Variants in ANK2 observed in about 807,000 individuals in gnomAD.
ANK2 encodes the protein ankyrin 2.
ANK2 carries 83 observed loss-of-function variants against 360.5 expected under a neutral mutation model. That is an observed-to-expected ratio of 0.23 (90% CI 0.19 to 0.28). ANK2 has a LOEUF of 0.28. Among genes scored for constraint, ANK2 ranks in the 10% least tolerant of loss-of-function variants. ANK2 has a pLI of 1.00. For missense variants in ANK2, 4,201 were observed against 4,795.7 expected (o/e 0.88, Z 3.66); for synonymous variants, 1,740 against 1,759.5 (o/e 0.99, Z 0.28).
intron 4 of ANK2, among the ~76,000 whole-genome samples, chr4:113,231,195 G>A (rs1563042218): frequency 6.6e-6 from 1 of 151,988 alleles, no homozygotes; most frequent in Non-Finnish European, 1.5e-5. Context: ...GGGATTACAG[G>A]CATGTGCCAC....
At chr4:113,336,226 A>T (rs953457060) in intron 30 of ANK2, 169 bp downstream of exon 30, 10 of 720,320 alleles carry the variant, frequency 1.4e-5, no homozygotes, top group Non-Finnish European at 8.7e-6. Context: ...TAATCTATTT[A>T]AAAATTCAAC....
At chr4:113,371,013 T>A (rs1416400921) in intron 43 of ANK2, among the ~76,000 whole-genome samples, 1 of 152,174 alleles carries the variant, frequency 6.6e-6, no homozygotes, top group Admixed American at 6.5e-5. Flanking sequence ...TTAATATAAA[T>A]TAAATTAGAT....
chr4:112,732,492 C>A, the ANK2 span, among the ~76,000 whole-genome samples: 5 of 151,990 alleles, frequency 3.3e-5, no homozygotes, highest in Admixed American at 3.3e-4. Flanking sequence ...AGCAGTCCTT[C>A]CACCTTGGCC....
chr4:113,133,043 T>C (rs1257270595), intron 1 of ANK2, among the ~76,000 whole-genome samples: 1 of 152,190 alleles, frequency 6.6e-6, no homozygotes, highest in Non-Finnish European at 1.5e-5. Context: ...GAGTTAATTC[T>C]CTTCACTGAC....
chr4:112,879,984 T>C (rs1301508078), intron 1 of ANK2, among the ~76,000 whole-genome samples: 1 of 152,002 alleles, frequency 6.6e-6, no homozygotes, highest in Admixed American at 6.6e-5. Flanking sequence ...CTGCACACCA[T>C]AAAGCAGCTC....
In ANK2 at chr4:113,356,565, C is replaced by T. The variant is rs148649499; in HGVS notation, c.7947C>T (p.Val2649=). The change falls in exon 38 of 46, where the codon GTC becomes GTT. Residue 2649 remains valine, a synonymous_variant. Coordinates refer to ENST00000357077, the MANE Select transcript of ANK2 (RefSeq NM_001148.6). ...GCAGTGGGGAGGATGAAAGTGGTGT[C>T]CCTGTGTTAGTAACTTCGGAGAGCA... The part of the protein sequence containing the change: ...HTGSGEDESG[V]PVLVTSESRK... 1.9e-5 allele frequency: 30 copies of T among 1,614,060 alleles called. No homozygotes were observed. The East Asian group carries it at 6.5e-4, about 35-fold the overall frequency.
At chr4:112,753,230 G>A in the ANK2 span, among the ~76,000 whole-genome samples, 4 of 152,238 alleles carry the variant, frequency 2.6e-5, no homozygotes, top group Non-Finnish European at 5.9e-5. Flanking sequence ...GTGCAGGCAA[G>A]TGGTAGAAAG....
chr4:113,131,291 T>C (rs1355943534), intron 1 of ANK2, among the ~76,000 whole-genome samples: 1 of 152,216 alleles, frequency 6.6e-6, no homozygotes, highest in Non-Finnish European at 1.5e-5. Flanking sequence ...TCAGTGCCTA[T>C]TGGTGGCATG....
At chr4:112,988,436 TG>T (rs1162717132) in intron 2 of ANK2, among the ~76,000 whole-genome samples, 2 of 152,058 alleles carry the variant, frequency 1.3e-5, no homozygotes, top group African/African-American at 4.8e-5. Context: ...CTCACTGGAG[TG>T]GGTTCTGAGA....
At chr4:113,257,173 G>A (rs759309883) in intron 11 of ANK2, among the ~76,000 whole-genome samples, 13 of 152,260 alleles carry the variant, frequency 8.5e-5, no homozygotes, top group Admixed American at 3.9e-4. Context: ...TGGGACATGC[G>A]AAATTGTTAG....
intron 2 of ANK2, among the ~76,000 whole-genome samples, chr4:112,928,037 A>T (rs2092773362): frequency 6.6e-6 from 1 of 152,192 alleles, no homozygotes; most frequent in Admixed American, 6.5e-5. Flanking sequence ...ATTCTATTTT[A>T]AAAAATAAAA....
In ANK2 at chr4:113,278,451, C is replaced by G; in HGVS notation, c.1783-9C>G. ...TATTAATGCTGAAACTTAAACACAC[C>G]CTTTACAGAACGGCCTTACCCCGCT... On this transcript the variant is annotated splice_polypyrimidine_tract_variant and intron_variant, in intron 16 of 45. Transcript: ENST00000357077. The G allele has an allele frequency of 6.2e-7, 1 of 1,613,310 alleles. No homozygotes were observed. The highest frequency in any genetic ancestry group is 8.5e-7 in the Non-Finnish European group (1 of 1,179,486).
chr4:112,738,275 G>C, the ANK2 span, among the ~76,000 whole-genome samples: 1 of 152,086 alleles, frequency 6.6e-6, no homozygotes, highest in East Asian at 1.9e-4. Flanking sequence ...AGCCAGGTGT[G>C]GTGGTGGGCA....
At chr4:112,933,473 AC>A (rs1461958387) in intron 2 of ANK2, among the ~76,000 whole-genome samples, 3 of 151,140 alleles carry the variant, frequency 2.0e-5, no homozygotes, top group African/African-American at 7.3e-5. Context: ...AAAAAGAGCC[AC>A]CTAACTGTGA....
intron 23 of ANK2, among the ~76,000 whole-genome samples, chr4:113,303,314 G>A (rs1021091347): frequency 2.0e-5 from 3 of 152,188 alleles, no homozygotes; most frequent in Non-Finnish European, 2.9e-5. Context: ...AAGCCCAGAG[G>A]AGAAGAGCCT....
chr4:113,257,991 G>A (rs774578176), intron 11 of ANK2, 59 bp from the exon 12 acceptor site: 13 of 1,419,182 alleles, frequency 9.2e-6, no homozygotes, highest in Admixed American at 5.0e-5. Flanking sequence ...GTGCCAGCAT[G>A]GAGTTGTGTG....
chr4:113,246,331 T>A (rs1342988950), intron 9 of ANK2, among the ~76,000 whole-genome samples: 1 of 152,160 alleles, frequency 6.6e-6, no homozygotes, highest in Non-Finnish European at 1.5e-5. Context: ...CCACAGTTAT[T>A]TCTTGGCTCT....
intron 45 of ANK2, among the ~76,000 whole-genome samples, chr4:113,377,831 G>A (rs1412859180): frequency 2.6e-5 from 4 of 152,154 alleles, no homozygotes; most frequent in Non-Finnish European, 5.9e-5. Flanking sequence ...GTGAAGCAAG[G>A]AGGAAATTGA....
In ANK2 at chr4:113,369,705, A is replaced by C. The variant is rs2096660888; in HGVS notation, c.11510A>C (p.Glu3837Ala). 1 of 1,613,996 alleles carries C rather than the reference A, an allele frequency of 6.2e-7. No homozygotes were observed. Among genetic ancestry groups the C allele is most frequent in the Non-Finnish European group, 8.5e-7 (1 of 1,180,026 alleles). The change falls in exon 43 of 46, where the codon GAG becomes GCG. Residue 3837 changes from glutamate (E) to alanine (A), a missense_variant. By Grantham distance (107) the Glu-to-Ala change is moderately radical (BLOSUM62 -1). This residue lies in a region of ANK2 where 2,642 missense variants were observed against 2,714.5 expected (regional missense o/e 0.97). Coordinates refer to ENST00000357077, the MANE Select transcript of ANK2 (RefSeq NM_001148.6). The stretch of plus-strand genomic sequence containing the variant: ...CCCGAAGAGCCCTCAGAGCACAGAG[A>C]GGAGAGCTCTCCGCGGAAAACCAGC... Reference protein sequence around the residue: ...QEPEEPSEHREESSPRKTSLV... With the variant: ...QEPEEPSEHRAESSPRKTSLV...
Sources: allele counts gnomAD v4.1 joint callset (sites outside exome capture counted in the v4.1 genomes callset), GRCh38; gene constraint gnomAD v4.1.1; regional missense constraint gnomAD v4.1.1; transcripts MANE v1.5; gene names NCBI Gene and HGNC (gene_info 2026-07-23, HGNC 2026-07-21).